NRG2: variants seen among roughly 807,000 people sequenced by gnomAD.
The protein encoded by NRG2 is neuregulin 2, also known as pro-neuregulin-2, membrane-bound isoform.
Under a neutral mutation model 73.9 loss-of-function variants are expected in NRG2, and 27 were observed. The ratio of observed to expected loss-of-function variants is 0.37; its 90% confidence interval spans 0.27 to 0.50. NRG2 has a LOEUF of 0.50. Among genes scored for constraint, NRG2 ranks in the 20% least tolerant of loss-of-function variants. The pLI is 0.96. For missense variants in NRG2, 1,126 were observed against 1,210.1 expected, an observed-to-expected ratio of 0.93 and a Z score of 1.03; for synonymous variants, 532 against 541.0, an observed-to-expected ratio of 0.98 and a Z score of 0.23.
chr5:140,021,218 G>C (rs190885621), intron 1 of NRG2, among the ~76,000 whole-genome samples: 2 of 152,108 alleles, frequency 1.3e-5, no homozygotes, highest in Non-Finnish European at 2.9e-5. Context: ...AACAAAACAG[G>C]CTCAAAAAGG....
chr5:139,917,776 T>C (rs1561678760), intron 1 of NRG2, among the ~76,000 whole-genome samples: 1 of 152,226 alleles, frequency 6.6e-6, no homozygotes, highest in Non-Finnish European at 1.5e-5. Flanking sequence ...GCTCTTTATA[T>C]ATTATGGATA....
At chr5:139,977,287 G>A (rs932537550) in intron 1 of NRG2, among the ~76,000 whole-genome samples, 3 of 152,130 alleles carry the variant, frequency 2.0e-5, no homozygotes, top group Admixed American at 6.6e-5. Context: ...AAAGAAGTAT[G>A]GTAGGTAGAA....
chr5:139,988,452 T>G (rs893035861), intron 1 of NRG2, among the ~76,000 whole-genome samples: 1 of 152,020 alleles, frequency 6.6e-6, no homozygotes, highest in Non-Finnish European at 1.5e-5. Flanking sequence ...AATGAAATAT[T>G]CAGTGCTAAA....
chr5:139,996,708 T>C (rs892002749), intron 1 of NRG2, among the ~76,000 whole-genome samples: 3 of 152,260 alleles, frequency 2.0e-5, no homozygotes, highest in African/African-American at 7.2e-5. Context: ...CTTTGCCACA[T>C]ATGCCGCTTG....
chr5:139,901,810 G>A (rs1297925383), intron 1 of NRG2, among the ~76,000 whole-genome samples: 1 of 152,194 alleles, frequency 6.6e-6, no homozygotes, highest in Non-Finnish European at 1.5e-5. Flanking sequence ...ACCAACTGGG[G>A]CACACAGAAA....
chr5:139,967,579 A>T (rs1297930835), intron 1 of NRG2, among the ~76,000 whole-genome samples: 1 of 152,196 alleles, frequency 6.6e-6, no homozygotes, highest in Non-Finnish European at 1.5e-5. Context: ...GTAACTGAAG[A>T]TCCCTCAGAT....
At chr5:139,958,213 A>T (rs1754784770) in intron 1 of NRG2, among the ~76,000 whole-genome samples, 3 of 152,236 alleles carry the variant, frequency 2.0e-5, no homozygotes, top group South Asian at 4.1e-4. Flanking sequence ...AACAACCAGT[A>T]TCTTCAAGCA....
intron 1 of NRG2, among the ~76,000 whole-genome samples, chr5:139,926,116 C>G (rs1424394174): frequency 6.6e-6 from 1 of 152,196 alleles, no homozygotes; most frequent in African/African-American, 2.4e-5. Flanking sequence ...TCCTCTGACA[C>G]AGGAAGAGAG....
chr5:139,919,738 TAA>T (rs1751524036), intron 1 of NRG2, among the ~76,000 whole-genome samples: 1 of 152,196 alleles, frequency 6.6e-6, no homozygotes, highest in African/African-American at 2.4e-5. Context: ...TACAGGACTC[TAA>T]AAGAGAAGCA....
intron 1 of NRG2, among the ~76,000 whole-genome samples, chr5:139,977,515 T>A (rs1756464127): frequency 6.6e-6 from 1 of 152,310 alleles, no homozygotes; most frequent in Non-Finnish European, 1.5e-5. Context: ...ATGGCCATAC[T>A]GCCCAAGGTA....
rs767338464 is a variant in NRG2 at position 139,852,974 on chromosome 5, T to C, written c.1346A>G (p.His449Arg). 6.2e-7 allele frequency: 1 copy of C among 1,613,254 alleles called. No homozygotes were observed. The highest frequency in any genetic ancestry group is 8.5e-7 in the Non-Finnish European group (1 of 1,179,704). Residue 449 changes from histidine to arginine, a missense_variant, in exon 7 of 10, where the codon CAT (histidine) becomes CGT (arginine). Coordinates refer to ENST00000361474, the MANE Select transcript of NRG2 (RefSeq NM_004883.3). The surrounding 1 kb of genome is among the most constrained non-coding windows in gnomAD (Gnocchi z 4.4). ...NHLRQNMCPA[H>R]QNRSLANGPS... ...CCCATTGGCCAAGCTCCGGTTCTGATGGGCCGGGCACATGTTCTGCCGGAG... is the reference window on the plus strand; with the variant it reads ...CCCATTGGCCAAGCTCCGGTTCTGACGGGCCGGGCACATGTTCTGCCGGAG...
At chr5:139,882,375 C>G (rs536859378) in intron 2 of NRG2, among the ~76,000 whole-genome samples, 1 of 152,174 alleles carries the variant, frequency 6.6e-6, no homozygotes, top group Non-Finnish European at 1.5e-5. Context: ...AACAAGGGTG[C>G]TACAAGATGG....
In NRG2 at chr5:139,943,796, A is replaced by G. The variant is rs184382536; in HGVS notation, c.701-56285T>C. On this transcript the variant is annotated intron_variant, in intron 1 of 9. Coordinates refer to ENST00000361474, the MANE Select transcript of NRG2 (RefSeq NM_004883.3). The stretch of plus-strand genomic sequence containing the variant: ...AGTGATACACATGTCACTTATTAAC[A>G]TTGTTAGGTTATAACTATCACTGCA... Among the ~76,000 whole-genome samples the G allele has an allele frequency of 3.4e-3, 521 of 152,352 alleles. 12 individuals are homozygous for G. The highest frequency in any genetic ancestry group is 0.032 in the Admixed American group (485 of 15,304).
At chr5:139,883,030 G>A (rs2127112535) in intron 2 of NRG2, among the ~76,000 whole-genome samples, 1 of 152,160 alleles carries the variant, frequency 6.6e-6, no homozygotes, top group Middle Eastern at 3.4e-3. Context: ...CTGGGTCCTG[G>A]CTAAGGGGCA....
chr5:140,023,631 A>C (rs1050796092), intron 1 of NRG2, among the ~76,000 whole-genome samples: 14 of 152,206 alleles, frequency 9.2e-5, no homozygotes, highest in African/African-American at 3.1e-4. Flanking sequence ...GAAAATAACC[A>C]ATCAAGGAGC....
chr5:139,960,937 TCC>T (rs1755012279), intron 1 of NRG2, among the ~76,000 whole-genome samples: 3 of 151,936 alleles, frequency 2.0e-5, no homozygotes, highest in African/African-American at 7.3e-5. Context: ...TCCTGCCAGC[TCC>T]TCCATGAACT....
chr5:139,938,870 GAGAGAGAGA>G (rs1753059582), intron 1 of NRG2, among the ~76,000 whole-genome samples: 1 of 105,768 alleles, frequency 9.5e-6, no homozygotes, highest in Non-Finnish European at 1.8e-5. Context: ...GAGAGAGAGA[GAGAGAGAGA>G]GAAGGAAAGA....
intron 1 of NRG2, among the ~76,000 whole-genome samples, chr5:139,960,108 G>A (rs1013572383): frequency 7.9e-5 from 12 of 152,220 alleles, no homozygotes; most frequent in Non-Finnish European, 1.6e-4. Flanking sequence ...AAATGAGGAA[G>A]AAAGGGAAGA....
At chr5:139,979,858 T>C (rs999913668) in intron 1 of NRG2, among the ~76,000 whole-genome samples, 3 of 152,208 alleles carry the variant, frequency 2.0e-5, no homozygotes, top group Admixed American at 6.5e-5. Context: ...GCATTCCTGA[T>C]ACACAGAAAC....
Sources: allele counts gnomAD v4.1 joint callset (sites outside exome capture counted in the v4.1 genomes callset), GRCh38; gene constraint gnomAD v4.1.1; non-coding constraint Gnocchi (gnomAD v3.1); transcripts MANE v1.5; gene names NCBI Gene and HGNC (gene_info 2026-07-23, HGNC 2026-07-21).